The following FCHSD2 variants were observed in gnomAD, a reference collection of about 807,000 sequenced individuals.
The protein encoded by FCHSD2 is FCH and double SH3 domains 2, also known as F-BAR and double SH3 domains protein 2.
FCHSD2 carries 38 observed loss-of-function variants against 108.1 expected under a neutral mutation model. The observed-to-expected ratio is 0.35, with a 90% CI of 0.27 to 0.46. The LOEUF (loss-of-function observed/expected upper bound fraction) is 0.46, where lower values mean the gene tolerates loss of function less well. Ranked by LOEUF, FCHSD2 falls within the 20% of genes least tolerant of loss-of-function variation. FCHSD2 has a pLI of 1.00. For synonymous variants in FCHSD2, 279 were observed against 314.7 expected (o/e 0.89, Z 1.20); for missense variants, 751 against 897.8 (o/e 0.84, Z 2.09).
At chr11:72,963,059 C>CT (rs1415686703) in intron 8 of FCHSD2, among the ~76,000 whole-genome samples, 1 of 152,106 alleles carries the variant, frequency 6.6e-6, no homozygotes, top group Non-Finnish European at 1.5e-5. Context: ...ATAATAGCAC[C>CT]TACTACAGAG....
At chr11:72,845,730 G>C (rs1258670034) in intron 14 of FCHSD2, among the ~76,000 whole-genome samples, 1 of 152,110 alleles carries the variant, frequency 6.6e-6, no homozygotes, top group Non-Finnish European at 1.5e-5. Flanking sequence ...GCTTTTATAG[G>C]TGTTCTTCCG....
chr11:72,843,041 T>G, intron 16 of FCHSD2, 110 bp downstream of exon 16: 7 of 1,096,780 alleles, frequency 6.4e-6, no homozygotes, highest in Non-Finnish European at 9.3e-6. Flanking sequence ...AAAAGCATAT[T>G]ATAGGACAGG....
intron 8 of FCHSD2, among the ~76,000 whole-genome samples, chr11:72,950,978 G>C (rs1302692254): frequency 1.3e-5 from 2 of 152,130 alleles, no homozygotes; most frequent in East Asian, 3.9e-4. Context: ...TAAGAGAATA[G>C]GTGTGTCTTC....
chr11:73,114,721 T>C (rs1049253386), intron 2 of FCHSD2, among the ~76,000 whole-genome samples: 1 of 152,122 alleles, frequency 6.6e-6, no homozygotes, highest in Non-Finnish European at 1.5e-5. Flanking sequence ...TGTCTACATA[T>C]GTCATCCAGA....
rs192356667 is a variant in FCHSD2, at chr11:73,071,555, G to T, written c.165+12140C>A. 3.6e-3 allele frequency among the ~76,000 whole-genome samples: 540 copies of T among 151,016 alleles called. 1 individual carries two copies. The highest frequency in any genetic ancestry group is 0.012 in the African/African-American group (512 of 41,110). On this transcript the variant is annotated intron_variant, in intron 3 of 19. Transcript: ENST00000409418. Reference sequence around the variant, plus strand: ...AAATACAAAAAAAAAAAAAAAATTAGCTGGGCATGGTGGTGTGTGCCCGTA... The same window carrying T: ...AAATACAAAAAAAAAAAAAAAATTATCTGGGCATGGTGGTGTGTGCCCGTA...
chr11:73,106,984 C>T (rs1860359553), intron 2 of FCHSD2, among the ~76,000 whole-genome samples: 1 of 152,102 alleles, frequency 6.6e-6, no homozygotes, highest in Non-Finnish European at 1.5e-5. Flanking sequence ...ATATCCTGGA[C>T]TCGACTTTTT....
At chr11:72,937,062 C>G (rs1484671237) in intron 8 of FCHSD2, among the ~76,000 whole-genome samples, 2 of 152,092 alleles carry the variant, frequency 1.3e-5, no homozygotes, top group Non-Finnish European at 2.9e-5. Context: ...CCCTACCATC[C>G]AATAGCAAAG....
chr11:73,038,094 A>G (rs1482956971), intron 3 of FCHSD2, among the ~76,000 whole-genome samples: 1 of 152,202 alleles, frequency 6.6e-6, no homozygotes, highest in African/African-American at 2.4e-5. Flanking sequence ...ATCTATCACT[A>G]AAAAATTCTT....
chr11:72,958,613 A>G (rs1856760451), intron 8 of FCHSD2, among the ~76,000 whole-genome samples: 1 of 152,186 alleles, frequency 6.6e-6, no homozygotes, highest in Non-Finnish European at 1.5e-5. Context: ...GTATTTCAAT[A>G]TTTTCCTATA....
At chr11:73,035,065 A>G (rs1222898991) in intron 3 of FCHSD2, among the ~76,000 whole-genome samples, 4 of 152,220 alleles carry the variant, frequency 2.6e-5, no homozygotes, top group African/African-American at 7.2e-5. Context: ...AACAACTAGT[A>G]TACTGGTTAA....
At chr11:73,064,265 T>C (rs1441383622) in intron 3 of FCHSD2, among the ~76,000 whole-genome samples, 1 of 152,034 alleles carries the variant, frequency 6.6e-6, no homozygotes, top group Non-Finnish European at 1.5e-5. Flanking sequence ...CGTGCCAGAA[T>C]CTCTGGGACA....
chr11:73,112,687 C>T (rs923226021), intron 2 of FCHSD2, among the ~76,000 whole-genome samples: 3 of 152,112 alleles, frequency 2.0e-5, no homozygotes, highest in African/African-American at 4.8e-5. Context: ...CTCGCTCTGT[C>T]GCCCAGGCTG....
intron 2 of FCHSD2, among the ~76,000 whole-genome samples, chr11:73,092,684 T>C (rs1859985370): frequency 6.6e-6 from 1 of 152,190 alleles, no homozygotes. Flanking sequence ...GGTTAGCTCC[T>C]GAGACACACA....
intron 12 of FCHSD2, among the ~76,000 whole-genome samples, chr11:72,873,634 A>G (rs1854909208): frequency 6.6e-6 from 1 of 152,066 alleles, no homozygotes; most frequent in South Asian, 2.1e-4. Flanking sequence ...CTTTGGTGTT[A>G]TATCTAAGAA....
intron 8 of FCHSD2, among the ~76,000 whole-genome samples, chr11:72,958,993 A>ATGTGTGTGTGTGTGTG (rs59339008): frequency 1.7e-5 from 2 of 114,782 alleles, no homozygotes; most frequent in African/African-American, 3.2e-5. Flanking sequence ...TCAGTAAGAT[A>ATGTGTGTGTGTGTGTG]TGTGTGTGTG....
chr11:72,955,188 C>A (rs1856689340), intron 8 of FCHSD2, among the ~76,000 whole-genome samples: 1 of 152,142 alleles, frequency 6.6e-6, no homozygotes, highest in Non-Finnish European at 1.5e-5. Context: ...TTCTGACCAA[C>A]CAGCTAAAAA....
At chr11:73,095,732 G>A (rs1448607541) in intron 2 of FCHSD2, among the ~76,000 whole-genome samples, 1 of 152,126 alleles carries the variant, frequency 6.6e-6, no homozygotes, top group Admixed American at 6.6e-5. Flanking sequence ...AACATGGGCT[G>A]GCAGAGGAAG....
At chr11:72,961,055 G>GCACC (rs1408911281) in intron 8 of FCHSD2, among the ~76,000 whole-genome samples, 2 of 152,170 alleles carry the variant, frequency 1.3e-5, no homozygotes, top group Non-Finnish European at 2.9e-5. Flanking sequence ...GGCTGCCTTA[G>GCACC]CACTGCTCAA....
At chr11:72,949,890 A>G (rs1856590426) in intron 8 of FCHSD2, among the ~76,000 whole-genome samples, 1 of 152,192 alleles carries the variant, frequency 6.6e-6, no homozygotes, top group Admixed American at 6.5e-5. Context: ...TTGGGTATAA[A>G]TCTAAGAGTG....
Sources: gnomAD v4.1 joint callset for allele counts (sites outside exome capture counted in the v4.1 genomes callset) on GRCh38, gnomAD v4.1.1 for gene constraint, MANE v1.5 for transcripts, NCBI Gene and HGNC (gene_info 2026-07-23, HGNC 2026-07-21) for gene names.